The following LRBA variants were observed in gnomAD, a reference collection of about 807,000 sequenced individuals.
LRBA encodes lipopolysaccharide-responsive and beige-like anchor protein.
A neutral mutation model predicts 330.0 loss-of-function variants in LRBA; 176 were observed. The observed-to-expected ratio is 0.53, with a 90% CI of 0.47 to 0.60. The LOEUF (loss-of-function observed/expected upper bound fraction) is 0.60. LRBA is among the 20% of genes least tolerant of loss of function. The pLI is 0.00. For synonymous variants in LRBA, 1,230 were observed against 1,193.0 expected (o/e 1.03, Z -0.64); for missense variants, 3,259 against 3,444.8 (o/e 0.95, Z 1.35).
intron 47 of LRBA, among the ~76,000 whole-genome samples, chr4:150,408,294 A>G (rs1746482718): frequency 6.6e-6 from 1 of 152,144 alleles, no homozygotes; most frequent in African/African-American, 2.4e-5. Context: ...AGTTAAATGG[A>G]CAAATTCCAA....
At chr4:150,904,554 T>C (rs999016483) in intron 13 of LRBA, among the ~76,000 whole-genome samples, 1 of 152,078 alleles carries the variant, frequency 6.6e-6, no homozygotes, top group Admixed American at 6.5e-5. Flanking sequence ...CCCCTCCAAC[T>C]AAGTATCTAA....
At chr4:150,292,654 T>C (rs1394106177) in intron 53 of LRBA, among the ~76,000 whole-genome samples, 1 of 152,186 alleles carries the variant, frequency 6.6e-6, no homozygotes, top group Non-Finnish European at 1.5e-5. Flanking sequence ...ATAATATTTA[T>C]TGAGTTTGTA....
chr4:150,901,430 G>T (rs1213139363), intron 13 of LRBA, among the ~76,000 whole-genome samples: 2 of 152,012 alleles, frequency 1.3e-5, no homozygotes, highest in African/African-American at 4.8e-5. Flanking sequence ...ATTGCTAGAG[G>T]GTATATTTTA....
chr4:150,756,346 G>A (rs990238368), intron 35 of LRBA, among the ~76,000 whole-genome samples: 6 of 152,130 alleles, frequency 3.9e-5, no homozygotes, highest in Non-Finnish European at 7.3e-5. Flanking sequence ...CAACCTAGCA[G>A]CCAGATCTAT....
intron 35 of LRBA, among the ~76,000 whole-genome samples, chr4:150,754,255 A>G (rs1314668208): frequency 6.6e-6 from 1 of 151,104 alleles, no homozygotes; most frequent in East Asian, 1.9e-4. Flanking sequence ...ACATATGAAT[A>G]AAATAAATAA....
chr4:150,415,731 C>T, intron 46 of LRBA, 141 bp from the exon 47 acceptor site: 1 of 568,682 alleles, frequency 1.8e-6, no homozygotes. Context: ...ATATCATAGC[C>T]CTGTCACAGT....
intron 2 of LRBA, chr4:150,970,570 C>CGT: frequency 2.8e-5 from 4 of 145,400 alleles, no homozygotes; most frequent in Non-Finnish European, 6.0e-5. Flanking sequence ...CACACACACA[C>CGT]ACACACACAC....
intron 52 of LRBA, among the ~76,000 whole-genome samples, chr4:150,307,874 G>C (rs2126869980): frequency 6.6e-6 from 1 of 152,262 alleles, no homozygotes; most frequent in African/African-American, 2.4e-5. Context: ...CTTGAATGGT[G>C]ATGTTTTCTT....
In LRBA at chr4:150,808,368, G is replaced by A. The variant is rs755264075; in HGVS notation, c.5336C>T (p.Ser1779Leu). ...GSRSSNAKLPSVPTVDSVSQD... is the reference protein window; with the variant it reads ...GSRSSNAKLPLVPTVDSVSQD... Reference sequence around the variant, plus strand: ...TGAAACTGAATCAACTGTTGGAACTGAGGGCAATTTTGCATTAGATGATCT... The same window carrying A: ...TGAAACTGAATCAACTGTTGGAACTAAGGGCAATTTTGCATTAGATGATCT... Residue 1779 changes from serine (S) to leucine (L), a missense_variant, in exon 32 of 57, where the codon TCA (serine) becomes TTA (leucine). By Grantham distance (145) the Ser-to-Leu change is moderately radical. Coordinates refer to ENST00000651943, the MANE Select transcript of LRBA (RefSeq NM_001364905.1). 5.0e-6 allele frequency: 8 copies of A among 1,612,276 alleles called. No individual in the cohort carries two copies. Among genetic ancestry groups the A allele is most frequent in the African/African-American group, 2.7e-5 (2 of 74,994 alleles).
At chr4:150,474,054 C>A (rs1337733219) in intron 42 of LRBA, among the ~76,000 whole-genome samples, 1 of 152,084 alleles carries the variant, frequency 6.6e-6, no homozygotes, top group Non-Finnish European at 1.5e-5. Flanking sequence ...TTTGCCTTTC[C>A]CAACATCAGA....
chr4:150,851,978 C>T lies in LRBA; in HGVS notation c.3732G>A (p.Leu1244=). The change falls in exon 23 of 57, where the codon TTG becomes TTA. Residue 1244 remains leucine (L), a synonymous_variant. Coordinates refer to ENST00000651943, the MANE Select transcript of LRBA (RefSeq NM_001364905.1). ...EASSEQKIAK[L]DVSNVATDTE... Reference sequence around the variant, plus strand: ...TATCTGTAGCAACATTGGAAACATCCAACTTCGCAATCTTTTGCTCAGAAG... The same window carrying T: ...TATCTGTAGCAACATTGGAAACATCTAACTTCGCAATCTTTTGCTCAGAAG... 1 of 1,614,128 alleles carries T rather than the reference C, an allele frequency of 6.2e-7. No homozygotes were observed. Among genetic ancestry groups the T allele is most frequent in the South Asian group, 1.1e-5 (1 of 91,062 alleles).
intron 40 of LRBA, among the ~76,000 whole-genome samples, chr4:150,573,508 A>T (rs185341748): frequency 6.6e-6 from 1 of 152,322 alleles, no homozygotes; most frequent in Admixed American, 6.5e-5. Context: ...GACCTATTTT[A>T]GAGAGACTAT....
chr4:150,276,651 G>A (rs576951510), intron 56 of LRBA, among the ~76,000 whole-genome samples: 19 of 152,168 alleles, frequency 1.2e-4, no homozygotes, highest in South Asian at 4.1e-4. Context: ...AGACATTTAC[G>A]CAGCCAACAA....
chr4:150,752,801 G>C (rs1294346324), intron 35 of LRBA, among the ~76,000 whole-genome samples: 1 of 152,100 alleles, frequency 6.6e-6, no homozygotes, highest in Non-Finnish European at 1.5e-5. Context: ...ACAGAGGCTA[G>C]AATGGAAGCA....
At chr4:150,634,882 TG>T (rs1397775222) in intron 37 of LRBA, among the ~76,000 whole-genome samples, 1 of 152,006 alleles carries the variant, frequency 6.6e-6, no homozygotes, top group African/African-American at 2.4e-5. Flanking sequence ...CTCTAGAGGG[TG>T]GATCCCTGCA....
At chr4:150,774,260 C>G (rs1162466555) in intron 34 of LRBA, among the ~76,000 whole-genome samples, 7 of 152,092 alleles carry the variant, frequency 4.6e-5, no homozygotes, top group African/African-American at 1.7e-4. Flanking sequence ...AAAGATTAGG[C>G]CTTCAACATC....
At chr4:150,848,786 T>C (rs1295354579) in intron 26 of LRBA, 32 bp downstream of exon 26, 1 of 1,541,808 alleles carries the variant, frequency 6.5e-7, no homozygotes, top group Admixed American at 2.1e-5. Context: ...AAATTTTTTT[T>C]AGTAAATTCC....
rs201778517 is a variant in LRBA, at chr4:150,852,831, C to G, written c.2879G>C (p.Gly960Ala). The change falls in exon 23 of 57, where the codon GGC (glycine) becomes GCC (alanine). Residue 960 changes from glycine to alanine, a missense_variant. By Grantham distance (60) the Gly-to-Ala change is moderately conservative. Transcript: ENST00000651943. ...CSSTSVQAASGIRRDINVSVG... is the reference protein window; with the variant it reads ...CSSTSVQAASAIRRDINVSVG... ...TGAAACATTAATATCCCTTCTAATG[C>G]CAGAGGCTGCTTGAACTGAAGTTGA... The G allele has an allele frequency of 6.2e-7, 1 of 1,613,880 alleles. No individual in the cohort carries two copies. The highest frequency in any genetic ancestry group is 2.2e-5 in the East Asian group (1 of 44,838).
chr4:150,960,356 G>A (rs1439258616), intron 2 of LRBA, among the ~76,000 whole-genome samples: 1 of 148,628 alleles, frequency 6.7e-6, no homozygotes, highest in African/African-American at 2.6e-5. Flanking sequence ...GAGGACACAA[G>A]AACATGTTAA....
Sources: gnomAD v4.1 joint callset for allele counts (sites outside exome capture counted in the v4.1 genomes callset) on GRCh38, gnomAD v4.1.1 for gene constraint, MANE v1.5 for transcripts, NCBI Gene and HGNC (gene_info 2026-07-23, HGNC 2026-07-21) for gene names.